The following SEMA3A variants were observed in gnomAD, a reference collection of about 807,000 sequenced individuals.
SEMA3A encodes semaphorin-3A.
In SEMA3A, 29 loss-of-function variants were observed where a neutral mutation model predicts 97.9. The ratio of observed to expected loss-of-function variants is 0.30; its 90% CI spans 0.22 to 0.40. SEMA3A has a LOEUF of 0.40. Ranked by LOEUF, SEMA3A falls within the 10% of genes least tolerant of loss-of-function variation. The pLI, the probability that SEMA3A is intolerant of heterozygous loss-of-function variation, is 1.00. For synonymous variants in SEMA3A, 321 were observed against 323.7 expected, an observed-to-expected ratio of 0.99 and a Z score of 0.09; for missense variants, 763 against 951.3, an observed-to-expected ratio of 0.80 and a Z score of 2.60.
At chr7:84,081,135 G>C (rs979863032) in intron 4 of SEMA3A, among the ~76,000 whole-genome samples, 1 of 152,108 alleles carries the variant, frequency 6.6e-6, no homozygotes, top group East Asian at 1.9e-4. Context: ...TGTAATATAT[G>C]TTTATTATCT....
rs74439390 is a variant in SEMA3A at position 83,966,683 on chromosome 7, G to A, written c.1718-3336C>T. Among the ~76,000 whole-genome samples the A allele has an allele frequency of 5.9e-4, 90 of 151,398 alleles. 2 individuals carry two copies. In the East Asian group the frequency reaches 0.016, roughly 26 times the overall value. On this transcript the variant is annotated intron_variant, in intron 15 of 16. Coordinates refer to ENST00000265362, the MANE Select transcript of SEMA3A (RefSeq NM_006080.3). ...TTTATATTTTGTTAGGTTCTGCTGC[G>A]ATCAGCAATAATTATTAAAAGTAAA...
At chr7:84,440,964 G>A (rs185393413) in intron 1 of SEMA3A, among the ~76,000 whole-genome samples, 112 of 152,164 alleles carry the variant, frequency 7.4e-4, no homozygotes, top group African/African-American at 2.6e-3. Context: ...TTCGAGACCA[G>A]CCTGACCAAC....
intron 1 of SEMA3A, among the ~76,000 whole-genome samples, chr7:84,440,967 T>C (rs537344956): frequency 6.6e-5 from 10 of 152,100 alleles, no homozygotes; most frequent in Non-Finnish European, 1.5e-4. Flanking sequence ...GAGACCAGCC[T>C]GACCAACATG....
chr7:84,129,073 T>A (rs199745945), intron 3 of SEMA3A, 50 bp downstream of exon 3: 7 of 1,408,596 alleles, frequency 5.0e-6, no homozygotes, highest in Non-Finnish European at 7.0e-6. Flanking sequence ...CCAAGCATTT[T>A]GAATGAAGGA....
chr7:83,981,555 T>TTATA (rs908012186), intron 13 of SEMA3A, 77 bp from the exon 14 acceptor site: 39 of 1,229,078 alleles, frequency 3.2e-5, no homozygotes, highest in Non-Finnish European at 3.9e-5. Context: ...AAGAGTTTAT[T>TTATA]TATATATAAC....
rs751457855 is a variant in SEMA3A at position 84,005,567 on chromosome 7, A to G, written c.1141-9T>C. On this transcript the variant is annotated splice_polypyrimidine_tract_variant and intron_variant, in intron 10 of 16. Coordinates refer to ENST00000265362, the MANE Select transcript of SEMA3A (RefSeq NM_006080.3). ...AATGTTTTGCTGGGACACTATTAAG[A>G]TAAAGAGAAAATTATCTTTTGATTA... The G allele has an allele frequency of 9.7e-6, 15 of 1,550,792 alleles. No homozygotes were observed. In the South Asian group the frequency reaches 1.6e-4, roughly 16 times the overall value.
At position 84,445,493 on chromosome 7, in the gene SEMA3A, C is replaced by CAAAAAAAAAAAA. The variant is rs61298477; in HGVS notation, c.-246+46955_-246+46966dup. On this transcript the variant is annotated intron_variant, in intron 1 of 3. Coordinates refer to the SEMA3A transcript ENST00000424555. ...TGGGCGACAGAGTGAGACTCCATCTCAAAAAAAAAAAAAAAAAAAAAAAAA... is the reference window on the plus strand; with the variant it reads ...TGGGCGACAGAGTGAGACTCCATCTCAAAAAAAAAAAAAAAAAAAAAAAAAAAAAAAAAAAAA... 3.1e-3 allele frequency among the ~76,000 whole-genome samples: 85 copies of CAAAAAAAAAAAA among 27,586 alleles called. 6 individuals carry two copies. The highest frequency in any genetic ancestry group is 4.5e-3 in the Non-Finnish European group (57 of 12,684). 18.1% of individuals were successfully genotyped at this position (27,586 alleles called of 152,430 possible). A position where few individuals can be genotyped will look rare whatever the true frequency, so the allele number is the denominator to read the frequency against.
chr7:83,966,993 G>A (rs531532455), intron 15 of SEMA3A, among the ~76,000 whole-genome samples: 15 of 152,278 alleles, frequency 9.9e-5, no homozygotes, highest in African/African-American at 3.4e-4. Flanking sequence ...TTACAGGCAT[G>A]AGCCACCGCG....
intron 1 of SEMA3A, among the ~76,000 whole-genome samples, chr7:84,380,172 T>A (rs1438708582): frequency 1.3e-5 from 2 of 152,136 alleles, no homozygotes; most frequent in Non-Finnish European, 2.9e-5. Flanking sequence ...ATCATAAAGA[T>A]GGCCCAGTAA....
chr7:84,346,644 T>C (rs1289596772), intron 2 of SEMA3A, among the ~76,000 whole-genome samples: 1 of 152,178 alleles, frequency 6.6e-6, no homozygotes, highest in Non-Finnish European at 1.5e-5. Context: ...CTATTAACTT[T>C]GCCGTCTTAT....
intron 12 of SEMA3A, among the ~76,000 whole-genome samples, chr7:83,995,846 A>T (rs1239258423): frequency 6.6e-6 from 1 of 152,204 alleles, no homozygotes; most frequent in Non-Finnish European, 1.5e-5. Flanking sequence ...GACATAGCCT[A>T]TTGGAGGCTA....
intron 3 of SEMA3A, among the ~76,000 whole-genome samples, chr7:84,218,886 C>G (rs1798811446): frequency 6.6e-6 from 1 of 152,014 alleles, no homozygotes; most frequent in South Asian, 2.1e-4. Context: ...GAAATCATGC[C>G]TAACTGTCTT....
In SEMA3A at chr7:84,162,524, G is replaced by A. The variant is rs140287811; in HGVS notation, c.113-27573C>T. Among the ~76,000 whole-genome samples, 176 of 152,008 alleles carry A rather than the reference G, an allele frequency of 1.2e-3. 1 individual carries two copies. In the East Asian group the frequency reaches 0.013, roughly 11 times the overall value. ...CAACTCTCAGGAATAAAAACTGAAG[G>A]ATGACTCTGATTCTAAGTACAGCAA... On this transcript the variant is annotated intron_variant, in intron 1 of 16. Transcript: ENST00000265362.
At chr7:84,426,095 G>A (rs903314350) in intron 1 of SEMA3A, among the ~76,000 whole-genome samples, 4 of 151,814 alleles carry the variant, frequency 2.6e-5, no homozygotes, top group South Asian at 2.1e-4. Flanking sequence ...TGGGAGGGGC[G>A]TGAGGAATAA....
intron 1 of SEMA3A, among the ~76,000 whole-genome samples, chr7:84,484,538 T>C (rs1034661296): frequency 2.3e-5 from 3 of 132,156 alleles, no homozygotes; most frequent in Non-Finnish European, 4.7e-5. Flanking sequence ...TATTCACTTG[T>C]TCACTTTCAC....
intron 3 of SEMA3A, among the ~76,000 whole-genome samples, chr7:84,221,384 C>A (rs1366600714): frequency 6.7e-6 from 1 of 148,842 alleles, no homozygotes; most frequent in Admixed American, 6.6e-5. Context: ...ACAGGAGTAG[C>A]ACTTTTGAAT....
chr7:84,435,951 C>T (rs560602323), intron 1 of SEMA3A, among the ~76,000 whole-genome samples: 6 of 152,186 alleles, frequency 3.9e-5, no homozygotes, highest in African/African-American at 1.4e-4. Flanking sequence ...CTACAGTATC[C>T]GAAACAGCAT....
intron 12 of SEMA3A, among the ~76,000 whole-genome samples, chr7:83,994,961 C>G (rs1790145299): frequency 1.3e-5 from 2 of 152,018 alleles, no homozygotes; most frequent in Non-Finnish European, 2.9e-5. Context: ...TGCTAGCAAT[C>G]AGCGAGACTC....
chr7:84,246,394 T>C (rs1799477771), intron 3 of SEMA3A, among the ~76,000 whole-genome samples: 1 of 152,188 alleles, frequency 6.6e-6, no homozygotes. Context: ...AACTTACGTA[T>C]GTCAAAAATA....
Sources: allele counts gnomAD v4.1 joint callset (sites outside exome capture counted in the v4.1 genomes callset), GRCh38; gene constraint gnomAD v4.1.1; transcripts MANE v1.5; gene names NCBI Gene and HGNC (gene_info 2026-07-23, HGNC 2026-07-21).